NCOA2: variants seen among roughly 807,000 people sequenced by gnomAD.
The protein encoded by NCOA2 is class E basic helix-loop-helix protein 75.
Under a neutral mutation model 145.1 loss-of-function variants are expected in NCOA2, and 21 were observed. The ratio of observed to expected loss-of-function variants is 0.14; its 90% CI spans 0.10 to 0.21. NCOA2 has a LOEUF of 0.21. Among genes scored for constraint, NCOA2 ranks in the 10% least tolerant of loss-of-function variants. NCOA2 has a pLI of 1.00. For missense variants in NCOA2, 1,472 were observed against 1,837.6 expected, an observed-to-expected ratio of 0.80 and a Z score of 3.64; for synonymous variants, 619 against 637.5, an observed-to-expected ratio of 0.97 and a Z score of 0.44.
chr8:70,330,207 GATGATGATA>G (rs1256210202), intron 1 of NCOA2, among the ~76,000 whole-genome samples: 1 of 129,022 alleles, frequency 7.8e-6, no homozygotes, highest in African/African-American at 3.3e-5. Flanking sequence ...TGATGATGAT[GATGATGATA>G]ATGATGATGA....
In NCOA2 at chr8:70,323,519, T is replaced by C. The variant is rs189602293; in HGVS notation, c.-76-26719A>G. Among the ~76,000 whole-genome samples, 497 of 152,266 alleles carry C rather than the reference T, an allele frequency of 3.3e-3. 3 individuals are homozygous for C. The highest frequency in any genetic ancestry group is 0.011 in the African/African-American group (470 of 41,562). ...AATTAGCAAACTTCAAAAAGGTCATTGATATTAAGGGTGCTAACAGCCTAA... is the reference window on the plus strand; with the variant it reads ...AATTAGCAAACTTCAAAAAGGTCATCGATATTAAGGGTGCTAACAGCCTAA... On this transcript the variant is annotated intron_variant, in intron 1 of 22. Coordinates refer to ENST00000452400, the MANE Select transcript of NCOA2 (RefSeq NM_006540.4).
At chr8:70,260,428 G>A (rs1824019168) in intron 2 of NCOA2, among the ~76,000 whole-genome samples, 1 of 152,096 alleles carries the variant, frequency 6.6e-6, no homozygotes. Flanking sequence ...GAGGCACCAC[G>A]TCTGGCTGGA....
intron 2 of NCOA2, among the ~76,000 whole-genome samples, chr8:70,242,521 G>A (rs1447651596): frequency 6.6e-6 from 1 of 152,120 alleles, no homozygotes; most frequent in Non-Finnish European, 1.5e-5. Flanking sequence ...CAAAGCACCT[G>A]TGAGAGAAAT....
intron 1 of NCOA2, among the ~76,000 whole-genome samples, chr8:70,299,442 T>C (rs1378017438): frequency 6.6e-6 from 1 of 152,190 alleles, no homozygotes; most frequent in African/African-American, 2.4e-5. Flanking sequence ...AATTATTTGA[T>C]AAAGGGCATG....
At chr8:70,425,927 A>C in the NCOA2 span, among the ~76,000 whole-genome samples, 1 of 152,152 alleles carries the variant, frequency 6.6e-6, no homozygotes, top group African/African-American at 2.4e-5. Flanking sequence ...TCCAAGCAAC[A>C]GGCCTAAGGC....
intron 2 of NCOA2, among the ~76,000 whole-genome samples, chr8:70,262,079 C>T (rs1363944846): frequency 2.6e-5 from 4 of 152,090 alleles, no homozygotes; most frequent in East Asian, 1.9e-4. Context: ...TTAGCAAGCA[C>T]CTCACACTCT....
chr8:70,385,430 A>G (rs1262481507), intron 1 of NCOA2, among the ~76,000 whole-genome samples: 3 of 152,074 alleles, frequency 2.0e-5, no homozygotes, highest in African/African-American at 7.2e-5. Flanking sequence ...AGAAACTCCA[A>G]TTTTATTTTA....
intron 1 of NCOA2, among the ~76,000 whole-genome samples, chr8:70,392,835 T>A (rs966232434): frequency 2.0e-5 from 3 of 152,216 alleles, no homozygotes; most frequent in African/African-American, 4.8e-5. Context: ...AATGTCCAAT[T>A]TTACTGAAGT....
chr8:70,427,054 G>T, the NCOA2 span, among the ~76,000 whole-genome samples: 1,117 of 152,206 alleles, frequency 7.3e-3, 13 homozygotes, highest in African/African-American at 0.026. Context: ...TGAAGTGCTG[G>T]GGTTACAGGT....
chr8:70,318,465 G>T (rs944213015), intron 1 of NCOA2, among the ~76,000 whole-genome samples: 2 of 152,066 alleles, frequency 1.3e-5, no homozygotes, highest in African/African-American at 4.8e-5. Flanking sequence ...CTCCTGCTCA[G>T]TGCTCTTAAA....
intron 2 of NCOA2, among the ~76,000 whole-genome samples, chr8:70,261,367 C>T (rs961067955): frequency 5.9e-5 from 9 of 151,940 alleles, no homozygotes; most frequent in East Asian, 3.9e-4. Flanking sequence ...GGCCAAACAC[C>T]GCATATTCTC....
At chr8:70,148,629 A>G (rs1194141435) in intron 11 of NCOA2, 146 bp from the exon 12 acceptor site, 1 of 663,302 alleles carries the variant, frequency 1.5e-6, no homozygotes, top group East Asian at 2.8e-5. Flanking sequence ...CTAACAGATA[A>G]TTGATCATCT....
At chr8:70,213,043 C>A (rs760443189) in intron 4 of NCOA2, among the ~76,000 whole-genome samples, 4 of 150,450 alleles carry the variant, frequency 2.7e-5, no homozygotes, top group African/African-American at 4.9e-5. Flanking sequence ...GAGGATCACA[C>A]CACTGCACCC....
At chr8:70,407,716 G>C (rs1814804699), upstream of NCOA2, among the ~76,000 whole-genome samples, 1 of 152,064 alleles carries the variant, frequency 6.6e-6, no homozygotes. Context: ...AGAATTGTTT[G>C]AACCGGGAGG....
At chr8:70,343,019 A>T (rs1368509121) in intron 1 of NCOA2, among the ~76,000 whole-genome samples, 2 of 152,214 alleles carry the variant, frequency 1.3e-5, no homozygotes, top group Non-Finnish European at 1.5e-5. Flanking sequence ...ATTTCACTAC[A>T]GGCACTAAAC....
At position 70,279,747 on chromosome 8, in the gene NCOA2, A is replaced by G. The variant is rs983095638; in HGVS notation, c.-20+16997T>C. On this transcript the variant is annotated intron_variant, in intron 2 of 22. Coordinates refer to ENST00000452400, the MANE Select transcript of NCOA2 (RefSeq NM_006540.4). ...CCTGTAATTTTTTTTTAGAGCTATC[A>G]GGAAAGATCCTTTTGAGAGGGGATT... 5.9e-5 allele frequency among the ~76,000 whole-genome samples: 9 copies of G among 152,346 alleles called. No homozygotes were observed. In the East Asian group the frequency reaches 1.7e-3, roughly 29 times the overall value.
intron 7 of NCOA2, among the ~76,000 whole-genome samples, chr8:70,164,296 A>G (rs1042439508): frequency 6.6e-6 from 1 of 152,166 alleles, no homozygotes; most frequent in African/African-American, 2.4e-5. Context: ...AGTTTTATTT[A>G]TCTTTGTAAC....
chr8:70,421,488 T>C, the NCOA2 span, among the ~76,000 whole-genome samples: 1 of 151,978 alleles, frequency 6.6e-6, no homozygotes, highest in African/African-American at 2.4e-5. Flanking sequence ...AACCCAGAAG[T>C]TCAAGACTGC....
intron 1 of NCOA2, among the ~76,000 whole-genome samples, chr8:70,364,031 T>C (rs1393885877): frequency 6.8e-6 from 1 of 146,836 alleles, no homozygotes. Context: ...AACCCACAAA[T>C]AAAGACTCAA....
Sources: gnomAD v4.1 joint callset for allele counts (sites outside exome capture counted in the v4.1 genomes callset) on GRCh38, gnomAD v4.1.1 for gene constraint, MANE v1.5 for transcripts, NCBI Gene and HGNC (gene_info 2026-07-23, HGNC 2026-07-21) for gene names.